Variants in CLUL1 observed in about 807,000 individuals in gnomAD.
CLUL1 encodes the protein clusterin-like protein 1.
A neutral mutation model predicts 49.4 loss-of-function variants in CLUL1; 43 were observed. The observed-to-expected ratio is 0.87, with a 90% CI of 0.68 to 1.12. The LOEUF is 1.12. CLUL1 is among the 50% of genes most tolerant of loss of function. The probability of loss-of-function intolerance (pLI) is 0.00; values close to 1 mark genes in which losing one functional copy is unlikely to be tolerated. For missense variants in CLUL1, 486 were observed against 544.4 expected (o/e 0.89, Z 1.07); for synonymous variants, 192 against 184.9 (o/e 1.04, Z -0.31).
intron 4 of CLUL1, among the ~76,000 whole-genome samples, chr18:623,609 C>T (rs1396390043): frequency 4.2e-5 from 6 of 143,328 alleles, no homozygotes; most frequent in Non-Finnish European, 8.9e-5. Context: ...TGCACCACTG[C>T]ACTCCAGCCT....
intron 5 of CLUL1, among the ~76,000 whole-genome samples, 153 bp downstream of exon 5, chr18:625,185 A>G (rs938361546): frequency 6.6e-6 from 1 of 152,158 alleles, no homozygotes; most frequent in East Asian, 1.9e-4. Context: ...TTTACATACC[A>G]TCACCTGTGT....
chr18:602,238 G>A (rs992187577), intron 1 of CLUL1, among the ~76,000 whole-genome samples: 2 of 152,222 alleles, frequency 1.3e-5, no homozygotes, highest in African/African-American at 4.8e-5. Context: ...AGGGATGAAA[G>A]AGAATTGGTC....
intron 6 of CLUL1, among the ~76,000 whole-genome samples, chr18:633,022 T>G (rs564202413): frequency 1.4e-3 from 220 of 152,274 alleles, no homozygotes; most frequent in Admixed American, 3.0e-3. Context: ...CTGGGCTTGG[T>G]GGCTCTCACC....
chr18:641,364 C>T lies in CLUL1; in HGVS notation c.1032C>T (p.Asp344=), dbSNP rs377720241. 4.3e-5 allele frequency: 70 copies of T among 1,614,154 alleles called. No homozygotes were observed. The highest frequency in any genetic ancestry group is 3.9e-4 in the African/African-American group (29 of 75,042). ...PDVPALHTEL[D]EAIRLVNVSN... ...TACCTGCTCTGCACACAGAATTAGA[C>T]GAGGCGATCAGGTTGGTCAATGTAT... Residue 344 remains aspartate (D), a synonymous_variant, in exon 8 of 10, where the codon GAC becomes GAT. Coordinates refer to ENST00000692774, the MANE Select transcript of CLUL1 (RefSeq NM_001393344.1).
chr18:632,721 T>C (rs1014605844), intron 6 of CLUL1, among the ~76,000 whole-genome samples: 1 of 152,186 alleles, frequency 6.6e-6, no homozygotes, highest in Non-Finnish European at 1.5e-5. Context: ...AAAATAAAAT[T>C]ACATGCATTA....
intron 6 of CLUL1, 67 bp downstream of exon 6, chr18:627,596 A>C (rs2073848094): frequency 2.7e-6 from 3 of 1,101,924 alleles, no homozygotes; most frequent in Non-Finnish European, 2.6e-6. Context: ...TAGCTTCAGA[A>C]ATGGTAGACA....
intron 7 of CLUL1, among the ~76,000 whole-genome samples, chr18:635,378 G>C (rs990520596): frequency 6.6e-6 from 1 of 152,072 alleles, no homozygotes; most frequent in African/African-American, 2.4e-5. Context: ...CAGCAGGCGG[G>C]GCTCAGGCAG....
chr18:644,097 T>C (rs2074409121), intron 8 of CLUL1, among the ~76,000 whole-genome samples: 1 of 152,220 alleles, frequency 6.6e-6, no homozygotes. Flanking sequence ...GTGAAAACGG[T>C]TGTGGTCCCT....
Position 645,809 on chromosome 18 carries a change from A to T in CLUL1, c.1397+712A>T, listed in dbSNP as rs1202766232. Among the ~76,000 whole-genome samples, 6 of 70,472 alleles carry T rather than the reference A, an allele frequency of 8.5e-5. No individual in the cohort carries two copies. The South Asian group carries it at 3.3e-3, about 38-fold the overall frequency. 46.2% of individuals were successfully genotyped at this position (70,472 alleles called of 152,430 possible). A position where few individuals can be genotyped will look rare whatever the true frequency, so the allele number is the denominator to read the frequency against. The stretch of plus-strand genomic sequence containing the variant: ...ACTCTGTTTAAAAAAAAAAAAAAAA[A>T]AATATATATATATATATATATATAT... On this transcript the variant is annotated intron_variant, in intron 9 of 9. Coordinates refer to ENST00000692774, the MANE Select transcript of CLUL1 (RefSeq NM_001393344.1).
At chr18:632,822 C>T (rs370208401) in intron 6 of CLUL1, among the ~76,000 whole-genome samples, 1 of 152,102 alleles carries the variant, frequency 6.6e-6, no homozygotes, top group African/African-American at 2.4e-5. Flanking sequence ...TCAGTTGTCC[C>T]AGGAAATTAT....
rs559969550 is a variant in CLUL1, at chr18:619,053, C to A, written c.107-160C>A. On this transcript the variant is annotated intron_variant, in intron 3 of 9. Coordinates refer to ENST00000692774, the MANE Select transcript of CLUL1 (RefSeq NM_001393344.1). ...GGTATGGTCCGTGTGGCAGCTGGGT[C>A]CATGTGGCAGCTGACAGCTAATTCA... 1.3e-3 allele frequency among the ~76,000 whole-genome samples: 204 copies of A among 152,142 alleles called. 2 individuals carry two copies. Among genetic ancestry groups the A allele is most frequent in the African/African-American group, 4.6e-3 (191 of 41,490 alleles).
chr18:642,540 A>G (rs1008720266), intron 8 of CLUL1, among the ~76,000 whole-genome samples: 1 of 152,212 alleles, frequency 6.6e-6, no homozygotes, highest in African/African-American at 2.4e-5. Flanking sequence ...TTTTCTTCCT[A>G]AGACATCCCC....
intron 8 of CLUL1, among the ~76,000 whole-genome samples, chr18:643,550 C>T (rs185437329): frequency 1.4e-4 from 22 of 152,176 alleles, no homozygotes; most frequent in African/African-American, 4.8e-4. Flanking sequence ...TTGTTTTTAC[C>T]ATTGTCAGTA....
rs761348523 is a variant in CLUL1 at position 613,286 on chromosome 18, G to C, written c.-13-4702G>C. ...CTCGAGTGGCTGGGACTATAGGTGC[G>C]TGCCACCACACCCAGCTAATTTTTG... is the stretch of plus-strand genomic sequence containing the variant. On this transcript the variant is annotated intron_variant, in intron 2 of 9. Transcript: ENST00000692774. The C allele has an allele frequency of 5.8e-4, 233 of 398,350 alleles. 4 individuals carry two copies. Among genetic ancestry groups the C allele is most frequent in the African/African-American group, 4.3e-3 (208 of 48,262 alleles). The allele number at this position is 398,350 out of a possible 1,614,324, so 24.7% of individuals were successfully genotyped here.
chr18:633,316 T>C lies in CLUL1; in HGVS notation c.875T>C (p.Leu292Pro), dbSNP rs2074040603. 6.2e-7 allele frequency: 1 copy of C among 1,612,726 alleles called. No individual in the cohort carries two copies. The highest frequency in any genetic ancestry group is 8.5e-7 in the Non-Finnish European group (1 of 1,179,240). Residue 292 changes from leucine to proline, a missense_variant, in exon 7 of 10, where the codon CTG becomes CCG. By Grantham distance (98) the Leu-to-Pro change is moderately conservative (BLOSUM62 -3). Coordinates refer to ENST00000692774, the MANE Select transcript of CLUL1 (RefSeq NM_001393344.1). ...CCTGTAGCTCCTGACCACGGAGGCC[T>C]GATTTCAAAGATGTTACCTGGGCAG... is the stretch of plus-strand genomic sequence containing the variant. ...KQDKAPDHGG[L>P]ISKMLPGQDR... is the part of the protein sequence containing the mutation.
chr18:636,971 T>G (rs1034837590), intron 7 of CLUL1, among the ~76,000 whole-genome samples: 1 of 146,282 alleles, frequency 6.8e-6, no homozygotes, highest in African/African-American at 2.6e-5. Flanking sequence ...CTTTGTTTTT[T>G]TTGTTTTGTT....
chr18:626,936 AAG>A (rs1567966728), intron 5 of CLUL1, among the ~76,000 whole-genome samples, 159 bp from the exon 6 acceptor site: 327 of 2,904 alleles, frequency 0.11, 105 homozygotes, highest in East Asian at 0.29. Flanking sequence ...AGAAGGAAAG[AAG>A]GAAAGAAGGA....
At chr18:625,894 T>C (rs974628153) in intron 5 of CLUL1, among the ~76,000 whole-genome samples, 8 of 152,210 alleles carry the variant, frequency 5.3e-5, no homozygotes, top group African/African-American at 1.4e-4. Context: ...ATTAATTGCA[T>C]CTGCTCTATT....
intron 6 of CLUL1, 127 bp downstream of exon 6, chr18:627,656 A>C: frequency 1.5e-6 from 1 of 661,406 alleles, no homozygotes; most frequent in Non-Finnish European, 2.5e-6. Flanking sequence ...TTTATGGAAA[A>C]TGTTTCAGAG....
Sources: gnomAD v4.1 joint callset for allele counts (sites outside exome capture counted in the v4.1 genomes callset) on GRCh38, gnomAD v4.1.1 for gene constraint, MANE v1.5 for transcripts, NCBI Gene and HGNC (gene_info 2026-07-23, HGNC 2026-07-21) for gene names.